Variants in DNAH7 observed in about 807,000 individuals in gnomAD.
The protein encoded by DNAH7 is axonemal beta dynein heavy chain 7.
In DNAH7, 397 loss-of-function variants were observed where a neutral mutation model predicts 444.6. The ratio of observed to expected loss-of-function variants is 0.89; its 90% CI spans 0.82 to 0.97. The LOEUF is 0.97. Among genes scored for constraint, DNAH7 ranks in the 50% least tolerant of loss-of-function variants. DNAH7 has a pLI of 0.00. For missense variants in DNAH7, 4,902 were observed against 4,800.8 expected (o/e 1.02, Z -0.62); for synonymous variants, 1,636 against 1,624.4 (o/e 1.01, Z -0.17).
At chr2:195,979,235 T>C (rs1016395424) in intron 15 of DNAH7, among the ~76,000 whole-genome samples, 5 of 152,006 alleles carry the variant, frequency 3.3e-5, no homozygotes, top group Admixed American at 1.3e-4. Flanking sequence ...CCAAAACAAA[T>C]CTTAAAACTT....
intron 1 of DNAH7, among the ~76,000 whole-genome samples, chr2:196,063,071 G>C (rs1438569316): frequency 6.6e-6 from 1 of 152,052 alleles, no homozygotes; most frequent in Non-Finnish European, 1.5e-5. Flanking sequence ...GAGTACAGAT[G>C]GGGTTTCGCT....
rs1345176796 is a variant in DNAH7 at position 195,910,169 on chromosome 2, T to C, written c.3962A>G (p.His1321Arg). ...TGGACCCTCAGGTGCTCCTCCAAGG[T>C]GCAAATGAAGGGCTCCAAATAAGGT... ...YRTLFGALHL[H>R]LGGAPEGPAG... is the part of the protein sequence containing the mutation. Residue 1321 changes from histidine (H) to arginine (R), a missense_variant, in exon 25 of 65, where the codon CAC becomes CGC. His to Arg is a conservative substitution (Grantham distance 29). Transcript: ENST00000312428. 1.2e-6 allele frequency: 2 copies of C among 1,610,884 alleles called. No individual in the cohort carries two copies. Among genetic ancestry groups the C allele is most frequent in the African/African-American group, 1.3e-5 (1 of 74,754 alleles).
At chr2:195,999,073 T>C (rs964973647) in intron 12 of DNAH7, 4 of 715,890 alleles carry the variant, frequency 5.6e-6, no homozygotes, top group Non-Finnish European at 5.2e-6. Context: ...AGCCTCAAGG[T>C]CGAGCAAAGT....
In DNAH7 at chr2:196,008,903, A is replaced by C. The variant is rs80167622; in HGVS notation, c.989+3884T>G. ...TAAAGAAAAGAGGTTTAATTGGCTC[A>C]TGATTCTATACGCTGTAGCAGCATG... On this transcript the variant is annotated intron_variant, in intron 10 of 64. Transcript: ENST00000312428. Among the ~76,000 whole-genome samples the C allele has an allele frequency of 0.019, 2,933 of 152,276 alleles. 240 individuals carry two copies. In the East Asian group the frequency reaches 0.27, roughly 14 times the overall value.
intron 44 of DNAH7, among the ~76,000 whole-genome samples, chr2:195,856,748 G>A (rs1002979283): frequency 7.9e-5 from 12 of 152,168 alleles, no homozygotes; most frequent in Non-Finnish European, 1.0e-4. Flanking sequence ...AAGGACCCCT[G>A]GGGATCCTGA....
At chr2:195,852,058 A>T (rs1699402364) in intron 46 of DNAH7, among the ~76,000 whole-genome samples, 1 of 152,122 alleles carries the variant, frequency 6.6e-6, no homozygotes, top group Admixed American at 6.5e-5. Context: ...GGAGATTGAG[A>T]CCATCCTGGC....
chr2:195,782,748 T>C (rs148611851), intron 58 of DNAH7, among the ~76,000 whole-genome samples: 11 of 152,308 alleles, frequency 7.2e-5, no homozygotes, highest in African/African-American at 2.4e-4. Flanking sequence ...CTATTCTTGA[T>C]ACTCTTTATT....
At chr2:195,877,710 T>C (rs1002184676) in intron 36 of DNAH7, among the ~76,000 whole-genome samples, 8 of 152,324 alleles carry the variant, frequency 5.3e-5, no homozygotes, top group East Asian at 1.9e-4. Context: ...AGAACAAATA[T>C]AGAAAATAAG....
chr2:196,001,876 C>G lies in DNAH7; in HGVS notation c.990-18G>C, dbSNP rs956739798. The G allele has an allele frequency of 1.3e-6, 2 of 1,582,654 alleles. No homozygotes were observed. Among genetic ancestry groups the G allele is most frequent in the Non-Finnish European group, 1.7e-6 (2 of 1,165,734 alleles). On this transcript the variant is annotated intron_variant, in intron 10 of 64. Coordinates refer to ENST00000312428, the MANE Select transcript of DNAH7 (RefSeq NM_018897.3). Reference sequence around the variant, plus strand: ...GAAACCACCTTGAAAGAACAAAAGACTTTTAAAAGTCAGTGCTTTCAGTGA... The same window carrying G: ...GAAACCACCTTGAAAGAACAAAAGAGTTTTAAAAGTCAGTGCTTTCAGTGA...
At chr2:195,994,329 C>T in intron 12 of DNAH7, 1 of 591,098 alleles carries the variant, frequency 1.7e-6, no homozygotes, top group South Asian at 1.9e-5. Flanking sequence ...TTCCTCCTCC[C>T]CAAGGCTCAG....
At chr2:195,982,741 TC>T (rs1295148186) in intron 15 of DNAH7, among the ~76,000 whole-genome samples, 11 of 152,214 alleles carry the variant, frequency 7.2e-5, no homozygotes, top group Non-Finnish European at 1.6e-4. Flanking sequence ...CTTTGCATGT[TC>T]ACACTTATTT....
intron 61 of DNAH7, among the ~76,000 whole-genome samples, chr2:195,760,379 T>C (rs754675033): frequency 3.3e-5 from 5 of 152,142 alleles, no homozygotes; most frequent in African/African-American, 4.8e-5. Context: ...ATAAGCCTGG[T>C]TGGCTTTGCC....
chr2:195,871,190 A>G (rs1049566187), intron 40 of DNAH7, among the ~76,000 whole-genome samples: 4 of 152,224 alleles, frequency 2.6e-5, no homozygotes, highest in East Asian at 1.9e-4. Context: ...TTCAAACTGT[A>G]TATCTAAAAA....
At chr2:195,931,606 G>A (rs1214589843) in intron 21 of DNAH7, among the ~76,000 whole-genome samples, 5 of 151,710 alleles carry the variant, frequency 3.3e-5, no homozygotes, top group Non-Finnish European at 2.9e-5. Context: ...TGTATAAGGT[G>A]TAAGGAAGGG....
At chr2:195,932,825 A>G (rs1454965798) in intron 21 of DNAH7, among the ~76,000 whole-genome samples, 4 of 152,070 alleles carry the variant, frequency 2.6e-5, no homozygotes, top group Admixed American at 6.5e-5. Context: ...GTTTGCCAGT[A>G]TTTTATTGAG....
chr2:195,877,376 T>C (rs1461192264), intron 36 of DNAH7, among the ~76,000 whole-genome samples: 3 of 152,214 alleles, frequency 2.0e-5, no homozygotes, highest in Non-Finnish European at 1.5e-5. Flanking sequence ...ATCTATCACA[T>C]GCACATATGA....
intron 1 of DNAH7, 99 bp downstream of exon 1, chr2:196,068,598 A>G: frequency 6.7e-7 from 1 of 1,501,012 alleles, no homozygotes. Context: ...GCGGAGTCAC[A>G]GCTGGGGAGT....
rs543471874 is a variant in DNAH7, at chr2:195,794,223, C to A, written c.10716+115G>T. On this transcript the variant is annotated intron_variant, in intron 57 of 64. Transcript: ENST00000312428. ...TCAGTTATCAAAACCTACTGCACTG[C>A]GGTGCAGGAGGCCTATTTAATTTTT... 9 of 839,966 alleles carry A rather than the reference C, an allele frequency of 1.1e-5. No individual in the cohort carries two copies. In the Admixed American group the frequency reaches 1.1e-4, roughly 10 times the overall value. 52.0% of individuals were successfully genotyped at this position (839,966 alleles called of 1,614,324 possible).
At chr2:196,034,378 G>A (rs543492835) in intron 5 of DNAH7, among the ~76,000 whole-genome samples, 6 of 152,238 alleles carry the variant, frequency 3.9e-5, no homozygotes, top group African/African-American at 9.6e-5. Flanking sequence ...GAGAGCAACC[G>A]AAGATCTAAA....
Sources: allele counts gnomAD v4.1 joint callset (sites outside exome capture counted in the v4.1 genomes callset), GRCh38; gene constraint gnomAD v4.1.1; transcripts MANE v1.5; gene names NCBI Gene and HGNC (gene_info 2026-07-23, HGNC 2026-07-21).